The following SGCD variants were observed in gnomAD, a reference collection of about 807,000 sequenced individuals.
SGCD encodes the protein sarcoglycan delta, also known as delta-sarcoglycan.
SGCD carries 18 observed loss-of-function variants against 36.6 expected under a neutral mutation model. The observed-to-expected ratio is 0.49, with a 90% CI of 0.34 to 0.73. The LOEUF (loss-of-function observed/expected upper bound fraction) is 0.73. Ranked by LOEUF, SGCD falls within the 30% of genes least tolerant of loss-of-function variation. The pLI is 0.01. For synonymous variants in SGCD, 133 were observed against 130.6 expected (o/e 1.02, Z -0.12); for missense variants, 387 against 346.7 (o/e 1.12, Z -0.92).
intron 3 of SGCD, among the ~76,000 whole-genome samples, chr5:156,496,532 G>A (rs1222499045): frequency 6.6e-6 from 1 of 152,092 alleles, no homozygotes; most frequent in Non-Finnish European, 1.5e-5. Context: ...CTTTTCATCT[G>A]TAAGTCAAAA....
At chr5:155,965,037 G>A (rs1315856712) in intron 1 of SGCD, among the ~76,000 whole-genome samples, 7 of 152,066 alleles carry the variant, frequency 4.6e-5, no homozygotes, top group Non-Finnish European at 7.4e-5. Context: ...GGTGCAGGGG[G>A]ATGAAGACTA....
At chr5:155,917,386 T>A (rs927816056) in intron 1 of SGCD, among the ~76,000 whole-genome samples, 16 of 152,210 alleles carry the variant, frequency 1.1e-4, no homozygotes, top group African/African-American at 3.9e-4. Flanking sequence ...GATAGTTGGT[T>A]GCATATAAAG....
chr5:156,031,601 C>T (rs1204991369), intron 1 of SGCD, among the ~76,000 whole-genome samples: 11 of 152,158 alleles, frequency 7.2e-5, no homozygotes, highest in Non-Finnish European at 1.5e-4. Flanking sequence ...GGATAATGTC[C>T]ATATTATTTG....
At chr5:156,174,418 A>G (rs972001807) in intron 3 of SGCD, among the ~76,000 whole-genome samples, 1 of 152,150 alleles carries the variant, frequency 6.6e-6, no homozygotes, top group African/African-American at 2.4e-5. Context: ...GAGCATGGTG[A>G]ACTGTGGGGA....
intron 1 of SGCD, among the ~76,000 whole-genome samples, chr5:155,988,270 A>C (rs1391966226): frequency 6.6e-6 from 1 of 152,150 alleles, no homozygotes; most frequent in Non-Finnish European, 1.5e-5. Context: ...TTAAAGCATA[A>C]AGAAGGAGAA....
chr5:156,305,245 A>AAAAAGTAGTTTC (rs1767173030), intron 3 of SGCD, among the ~76,000 whole-genome samples: 1 of 152,078 alleles, frequency 6.6e-6, no homozygotes, highest in African/African-American at 2.4e-5. Context: ...GCCTAGGAGG[A>AAAAAGTAGTTTC]AAAAGTAGTT....
chr5:156,628,972 A>G (rs1762530838), intron 6 of SGCD, among the ~76,000 whole-genome samples: 1 of 152,244 alleles, frequency 6.6e-6, no homozygotes. Flanking sequence ...GAAATTAAAT[A>G]AGACAACCCA....
chr5:156,747,451 C>T (rs563293635), intron 7 of SGCD, among the ~76,000 whole-genome samples: 16 of 152,246 alleles, frequency 1.1e-4, no homozygotes, highest in African/African-American at 2.2e-4. Context: ...TCTTACCAAA[C>T]GCTGGACTAG....
At chr5:155,867,278 G>A (rs1250166780), upstream of SGCD, among the ~76,000 whole-genome samples, 1 of 152,156 alleles carries the variant, frequency 6.6e-6, no homozygotes, top group Non-Finnish European at 1.5e-5. Context: ...AAGGAGAGAA[G>A]AATCAGAAAA....
chr5:155,918,142 T>C (rs890697824), intron 1 of SGCD, among the ~76,000 whole-genome samples: 9 of 152,254 alleles, frequency 5.9e-5, no homozygotes, highest in Admixed American at 2.0e-4. Flanking sequence ...TGGAAAATAG[T>C]TTAGTCTATG....
intron 6 of SGCD, among the ~76,000 whole-genome samples, chr5:156,610,755 C>G (rs193142543): frequency 6.6e-6 from 1 of 152,226 alleles, no homozygotes; most frequent in Non-Finnish European, 1.5e-5. Context: ...GCGCCCCTCC[C>G]CCAGCCTCGC....
chr5:155,833,695 A>G, the SGCD span, among the ~76,000 whole-genome samples: 1,450 of 152,300 alleles, frequency 9.5e-3, 22 homozygotes, highest in African/African-American at 0.033. Flanking sequence ...GAGCAGCGGA[A>G]AGTGTAGTTC....
At chr5:156,403,204 C>T (rs962901416) in intron 3 of SGCD, among the ~76,000 whole-genome samples, 1 of 152,150 alleles carries the variant, frequency 6.6e-6, no homozygotes. Context: ...CAGCAGTGCA[C>T]TTCAGCTTTC....
At chr5:155,764,737 T>TA in the SGCD span, among the ~76,000 whole-genome samples, 6 of 152,040 alleles carry the variant, frequency 3.9e-5, no homozygotes, top group African/African-American at 1.4e-4. Flanking sequence ...GTGTTTTCTG[T>TA]AAAAAATTGA....
intron 1 of SGCD, among the ~76,000 whole-genome samples, chr5:155,978,093 AAAAAT>A (rs138088122): frequency 0.32 from 48,990 of 150,932 alleles, 8,080 homozygotes; most frequent in South Asian, 0.45. Context: ...ACTCTGTCTC[AAAAAT>A]AAAATAAAAT....
Position 156,759,483 on chromosome 5 carries a change from C to T in SGCD, c.*93C>T, listed in dbSNP as rs1757458381. ...GCTATTTTTACTAGAACACAGAAAG[C>T]CTATCAAAGACCTTGTGTGTATGTG... On this transcript the variant is annotated 3_prime_UTR_variant, in exon 9 of 9. Coordinates refer to ENST00000337851, the MANE Select transcript of SGCD (RefSeq NM_000337.6). 1.2e-6 allele frequency: 1 copy of T among 869,000 alleles called. No homozygotes were observed. Among genetic ancestry groups the T allele is most frequent in the Non-Finnish European group, 1.8e-6 (1 of 559,644 alleles). The allele number at this position is 869,000 out of a possible 1,614,324, so 53.8% of individuals were successfully genotyped here. A position where few individuals can be genotyped will look rare whatever the true frequency, so the allele number is the denominator to read the frequency against.
rs76492040 is a variant in SGCD, at chr5:156,153,034, G to A, written c.-44+29015G>A. On this transcript the variant is annotated intron_variant, in intron 3 of 9. Transcript: ENST00000517913. Reference sequence around the variant, plus strand: ...CTATTTTTCAAAGACTTTAAATGACGTAAGCTCATGTCAACATGTATTTAT... The same window carrying A: ...CTATTTTTCAAAGACTTTAAATGACATAAGCTCATGTCAACATGTATTTAT... Among the ~76,000 whole-genome samples, 94 of 151,484 alleles carry A rather than the reference G, an allele frequency of 6.2e-4. 2 individuals carry two copies. Among genetic ancestry groups the A allele is most frequent in the African/African-American group, 2.0e-3 (82 of 40,878 alleles).
chr5:156,564,116 G>A (rs6880030), intron 4 of SGCD, among the ~76,000 whole-genome samples: 7 of 152,006 alleles, frequency 4.6e-5, no homozygotes, highest in African/African-American at 1.5e-4. Flanking sequence ...AAACACTATT[G>A]TTTTTAGTTC....
intron 3 of SGCD, among the ~76,000 whole-genome samples, chr5:156,463,615 C>T (rs1474466775): frequency 6.6e-6 from 1 of 152,072 alleles, no homozygotes; most frequent in African/African-American, 2.4e-5. Flanking sequence ...TCTTTGTTCT[C>T]CTAATATCAA....
Sources: allele counts gnomAD v4.1 joint callset (sites outside exome capture counted in the v4.1 genomes callset), GRCh38; gene constraint gnomAD v4.1.1; transcripts MANE v1.5; gene names NCBI Gene and HGNC (gene_info 2026-07-23, HGNC 2026-07-21).